Variants in CUL3 observed in about 807,000 individuals in gnomAD.
The protein encoded by CUL3 is cullin-3.
Under a neutral mutation model 89.1 loss-of-function variants are expected in CUL3, and 19 were observed. The observed-to-expected ratio is 0.21, with a 90% CI of 0.15 to 0.31. The LOEUF (loss-of-function observed/expected upper bound fraction) is 0.31. Among genes scored for constraint, CUL3 ranks in the 10% least tolerant of loss-of-function variants. The pLI is 1.00. For synonymous variants in CUL3, 351 were observed against 308.4 expected (o/e 1.14, Z -1.45); for missense variants, 469 against 942.3 (o/e 0.50, Z 6.58).
intron 3 of CUL3, among the ~76,000 whole-genome samples, chr2:224,516,643 G>GT (rs1373345759): frequency 2.7e-5 from 4 of 150,030 alleles, no homozygotes; most frequent in East Asian, 3.9e-4. Context: ...GGCTAACACT[G>GT]TTTTTTGTTT....
intron 3 of CUL3, among the ~76,000 whole-genome samples, chr2:224,532,390 T>C (rs1693728115): frequency 2.0e-5 from 3 of 149,382 alleles, no homozygotes; most frequent in Admixed American, 2.0e-4. Context: ...ACAAAGAGAG[T>C]TCTTTGTTAC....
intron 13 of CUL3, among the ~76,000 whole-genome samples, chr2:224,487,585 G>A (rs886729175): frequency 7.9e-5 from 12 of 151,932 alleles, no homozygotes; most frequent in Non-Finnish European, 1.3e-4. Context: ...CCCAACACAG[G>A]AGCACCCAGA....
intron 2 of CUL3, among the ~76,000 whole-genome samples, chr2:224,549,329 A>T (rs903907192): frequency 9.7e-5 from 9 of 92,812 alleles, no homozygotes; most frequent in African/African-American, 3.2e-4. Flanking sequence ...AAATAAATTA[A>T]AAAAAAAAAA....
chr2:224,531,545 A>G (rs1693697459), intron 3 of CUL3, among the ~76,000 whole-genome samples: 1 of 144,728 alleles, frequency 6.9e-6, no homozygotes, highest in Non-Finnish European at 1.5e-5. Context: ...TAGTACACAA[A>G]CACTGTTTCC....
At chr2:224,569,722 T>C (rs1296101488) in intron 1 of CUL3, 3 of 1,220,562 alleles carry the variant, frequency 2.5e-6, no homozygotes, top group African/African-American at 1.6e-5. Flanking sequence ...CTGAGAGAAC[T>C]ACATCATGAG....
chr2:224,523,387 T>C (rs1460848089), intron 3 of CUL3, among the ~76,000 whole-genome samples: 2 of 144,834 alleles, frequency 1.4e-5, no homozygotes, highest in Non-Finnish European at 3.0e-5. Flanking sequence ...AGAGTTACTA[T>C]AAAAAAAAAA....
intron 2 of CUL3, among the ~76,000 whole-genome samples, chr2:224,540,289 C>T (rs1180359584): frequency 6.6e-6 from 1 of 151,882 alleles, no homozygotes; most frequent in East Asian, 1.9e-4. Context: ...AACTCCTGAC[C>T]TCAAGTGATC....
rs535602965 is a variant in CUL3 at position 224,512,343 on chromosome 2, G to A, written c.655-761C>T. Among the ~76,000 whole-genome samples, 46 of 152,188 alleles carry A rather than the reference G, an allele frequency of 3.0e-4. 1 individual carries two copies. The highest frequency in any genetic ancestry group is 5.2e-4 in the Admixed American group (8 of 15,296). On this transcript the variant is annotated intron_variant, in intron 5 of 15. Coordinates refer to ENST00000264414, the MANE Select transcript of CUL3 (RefSeq NM_003590.5). ...AATCTCCTGATATAGTGATCCACTC[G>A]TCTCAGCCTCCCAAAGTGCTGGGAT...
chr2:224,540,715 A>T (rs1694072033), intron 2 of CUL3, among the ~76,000 whole-genome samples: 1 of 152,186 alleles, frequency 6.6e-6, no homozygotes, highest in Non-Finnish European at 1.5e-5. Flanking sequence ...CCCACACAGG[A>T]TCCACGTGCA....
chr2:224,567,204 A>T (rs1426190082), intron 1 of CUL3, among the ~76,000 whole-genome samples: 1 of 152,122 alleles, frequency 6.6e-6, no homozygotes, highest in Admixed American at 6.6e-5. Context: ...ATTAGTCACA[A>T]GGTGTTTTTC....
chr2:224,483,394 T>A (rs1463756355), intron 13 of CUL3, among the ~76,000 whole-genome samples: 1 of 152,084 alleles, frequency 6.6e-6, no homozygotes, highest in African/African-American at 2.4e-5. Flanking sequence ...CAGAATGAAA[T>A]GCCCCTAAAG....
intron 13 of CUL3, among the ~76,000 whole-genome samples, chr2:224,489,938 T>C (rs980317942): frequency 6.6e-6 from 1 of 152,010 alleles, no homozygotes; most frequent in Non-Finnish European, 1.5e-5. Flanking sequence ...TGTGAAAAAA[T>C]TTTTGCGATC....
intron 1 of CUL3, among the ~76,000 whole-genome samples, chr2:224,580,818 A>G (rs1198906982): frequency 6.6e-6 from 1 of 152,196 alleles, no homozygotes; most frequent in Admixed American, 6.5e-5. Flanking sequence ...AACAATCTCA[A>G]AACACAATTC....
In CUL3 at chr2:224,480,546, C is replaced by T. The variant is rs183677150; in HGVS notation, c.2029+1346G>A. On this transcript the variant is annotated intron_variant, in intron 14 of 15. Coordinates refer to ENST00000264414, the MANE Select transcript of CUL3 (RefSeq NM_003590.5). ...TACTCCAGATACACACATAAGTGTG[C>T]ACACTTAACACGAAAATCTAAAAAT... Among the ~76,000 whole-genome samples the T allele has an allele frequency of 4.8e-3, 733 of 152,238 alleles. 6 individuals carry two copies. Among genetic ancestry groups the T allele is most frequent in the African/African-American group, 0.016 (681 of 41,546 alleles).
chr2:224,548,589 G>C (rs1306976672), intron 2 of CUL3, among the ~76,000 whole-genome samples: 1 of 152,258 alleles, frequency 6.6e-6, no homozygotes, highest in South Asian at 2.1e-4. Flanking sequence ...TTACTATGGA[G>C]TATTAAAGAT....
intron 2 of CUL3, among the ~76,000 whole-genome samples, chr2:224,549,861 TGCACACACACACACAC>T (rs1553534859): frequency 5.3e-5 from 8 of 151,722 alleles, no homozygotes; most frequent in Admixed American, 1.3e-4. Flanking sequence ...CATATATGCG[TGCACACACACACACAC>T]GCACACACAC....
chr2:224,569,745 TA>T, intron 1 of CUL3: 1 of 1,217,116 alleles, frequency 8.2e-7, no homozygotes. Context: ...AAATTAAAAC[TA>T]AATGAAAAGA....
chr2:224,541,071 G>T (rs775239165), intron 2 of CUL3, among the ~76,000 whole-genome samples: 1 of 151,984 alleles, frequency 6.6e-6, no homozygotes, highest in Non-Finnish European at 1.5e-5. Flanking sequence ...TTAAGCAAAT[G>T]ATACCAAAAG....
chr2:224,507,747 A>C (rs898932068), intron 6 of CUL3, among the ~76,000 whole-genome samples: 6 of 152,140 alleles, frequency 3.9e-5, no homozygotes, highest in Non-Finnish European at 1.5e-5. Flanking sequence ...TTTTCACAAG[A>C]CTAAAATACA....
Sources: allele counts gnomAD v4.1 joint callset (sites outside exome capture counted in the v4.1 genomes callset), GRCh38; gene constraint gnomAD v4.1.1; transcripts MANE v1.5; gene names NCBI Gene and HGNC (gene_info 2026-07-23, HGNC 2026-07-21).